Variants in COX6B2 observed in about 807,000 individuals in gnomAD.
COX6B2 encodes cytochrome c oxidase subunit 6B2, also known as COX VIb-2.
COX6B2 carries 12 observed loss-of-function variants against 13.7 expected under a neutral mutation model. The observed-to-expected ratio is 0.87, with a 90% CI of 0.56 to 1.41. The LOEUF (loss-of-function observed/expected upper bound fraction) is 1.41, where lower values mean the gene tolerates loss of function less well. Ranked by LOEUF, COX6B2 falls within the 40% of genes most tolerant of loss-of-function variation. The pLI, the probability that COX6B2 is intolerant of heterozygous loss-of-function variation, is 0.00. For missense variants in COX6B2, 130 were observed against 118.3 expected, an observed-to-expected ratio of 1.10 and a Z score of -0.46; for synonymous variants, 56 against 46.6, an observed-to-expected ratio of 1.20 and a Z score of -0.82.
Position 55,352,347 on chromosome 19 carries a change from G to A in COX6B2, c.*114+1260C>T, listed in dbSNP as rs1470602534. 1 of 152,336 alleles carries A rather than the reference G, an allele frequency of 6.6e-6. No homozygotes were observed. Among genetic ancestry groups the A allele is most frequent in the African/African-American group, 2.4e-5 (1 of 41,402 alleles). 9.4% of individuals were successfully genotyped at this position (152,336 alleles called of 1,614,324 possible). On this transcript the variant is annotated intron_variant, in intron 4 of 4. Transcript: ENST00000326529. This position sits in a 1 kb window ranked among gnomAD's most constrained non-coding sequence, Gnocchi z 6.2. ...GTGTCCTGGGCAGCATGGAGGGCAG[G>A]TGATGGACAGGTCATCATGGGGCAG...
Position 55,353,654 on chromosome 19 carries a change from C to G in COX6B2, c.*67G>C. 6.7e-7 allele frequency: 1 copy of G among 1,501,216 alleles called. No homozygotes were observed. The highest frequency in any genetic ancestry group is 9.1e-7 in the Non-Finnish European group (1 of 1,097,276). The allele number at this position is 1,501,216 out of a possible 1,614,324, so 93.0% of individuals were successfully genotyped here. On this transcript the variant is annotated 3_prime_UTR_variant, in exon 4 of 5. Transcript: ENST00000326529. ...GGGAGGTAGGGGTGGATAACCGAGA[C>G]CCGGGGCTCCGCGAGACAAAAAGAT... is the stretch of plus-strand genomic sequence containing the variant.
chr19:55,354,595 G>A (rs1600275390), intron 1 of COX6B2, 55 bp downstream of exon 1: 3 of 1,117,876 alleles, frequency 2.7e-6, no homozygotes, highest in East Asian at 4.7e-5. Flanking sequence ...CCCTCGCTCC[G>A]ACCCGTCTCC....
At chr19:55,351,106 C>A (rs554390544) in intron 4 of COX6B2, among the ~76,000 whole-genome samples, 1 of 152,208 alleles carries the variant, frequency 6.6e-6, no homozygotes, top group African/African-American at 2.4e-5. Context: ...CATGCTGATT[C>A]GAGTGACTCA....
Position 55,354,419 on chromosome 19 carries a change from T to A in COX6B2, c.103A>T (p.Asn35Tyr), listed in dbSNP as rs1195001701. 3 of 1,613,330 alleles carry A rather than the reference T, an allele frequency of 1.9e-6. No homozygotes were observed. Among genetic ancestry groups the A allele is most frequent in the Non-Finnish European group, 2.5e-6 (3 of 1,179,764 alleles). ...SQNQIRNCYQ[N>Y]FLDYHRCLKT... ...GCTGAGCAGGTCTCACCCAGGAAGT[T>A]CTGGTAGCAGTTACGGATCTGGTTC... is the stretch of plus-strand genomic sequence containing the variant. Residue 35 changes from asparagine (N) to tyrosine (Y), a missense_variant, in exon 2 of 5, where the codon AAC (asparagine) becomes TAC (tyrosine). Physicochemically the swap from Asn to Tyr is moderately radical, Grantham distance 143. Transcript: ENST00000326529.
At chr19:55,354,120 C>G (rs926436717) in intron 2 of COX6B2, 154 bp from the exon 3 acceptor site, 1 of 698,366 alleles carries the variant, frequency 1.4e-6, no homozygotes, top group East Asian at 2.7e-5. Context: ...GGCCCCGACC[C>G]CTACCTCCCT....
Position 55,354,702 on chromosome 19 carries a change from G to A in COX6B2, c.-71C>T, listed in dbSNP as rs1248659048. On this transcript the variant is annotated 5_prime_UTR_variant, in exon 1 of 5. Transcript: ENST00000326529. ...TGCTGTGGGATGGTCCCGGGGTGCC[G>A]CTCGCTTCTGAGTCCGCGGGGTGCG... The A allele has an allele frequency of 1.1e-5, 6 of 565,314 alleles. No individual in the cohort carries two copies. Among genetic ancestry groups the A allele is most frequent in the Non-Finnish European group, 1.3e-5 (4 of 318,970 alleles). 35.0% of individuals were successfully genotyped at this position (565,314 alleles called of 1,614,324 possible).
At chr19:55,354,103 C>G in intron 2 of COX6B2, 137 bp from the exon 3 acceptor site, 8 of 770,058 alleles carry the variant, frequency 1.0e-5, no homozygotes, top group Middle Eastern at 3.7e-4. Context: ...CCCGCCCCTC[C>G]CAGCCAGGCC....
intron 4 of COX6B2, chr19:55,353,355 T>A: frequency 2.6e-6 from 1 of 381,716 alleles, no homozygotes; most frequent in Non-Finnish European, 4.9e-6. Context: ...CTGGGGACCC[T>A]GGGCTGGCTC....
At chr19:55,353,460 G>A (rs2089683477) in intron 4 of COX6B2, 147 bp downstream of exon 4, 1 of 571,016 alleles carries the variant, frequency 1.8e-6, no homozygotes, top group Admixed American at 3.1e-5. Context: ...TTGACTGCCT[G>A]CTGCTACCTG....
chr19:55,354,058 T>C (rs1242869856), intron 2 of COX6B2, 92 bp from the exon 3 acceptor site: 17 of 1,175,130 alleles, frequency 1.4e-5, no homozygotes, highest in Non-Finnish European at 1.9e-5. Flanking sequence ...TCTTCGCTGC[T>C]TCGTCCCGCC....
At chr19:55,354,599 C>G (rs2089696654) in intron 1 of COX6B2, 51 bp downstream of exon 1, 1 of 1,076,950 alleles carries the variant, frequency 9.3e-7, no homozygotes, top group Non-Finnish European at 1.4e-6. Flanking sequence ...CGCTCCGACC[C>G]GTCTCCCCAT....
intron 2 of COX6B2, chr19:55,354,197 C>T: frequency 1.6e-6 from 1 of 642,176 alleles, no homozygotes; most frequent in Non-Finnish European, 2.8e-6. Context: ...GACTCGGCCC[C>T]GCACCTTCCA....
At position 55,353,659 on chromosome 19, in the gene COX6B2, G is replaced by T. The variant is rs2089685060; in HGVS notation, c.*62C>A. 2.6e-6 allele frequency: 4 copies of T among 1,518,902 alleles called. No individual in the cohort carries two copies. Among genetic ancestry groups the T allele is most frequent in the Non-Finnish European group, 2.7e-6 (3 of 1,111,526 alleles). The allele number at this position is 1,518,902 out of a possible 1,614,324, so 94.1% of individuals were successfully genotyped here. ...GTAGGGGTGGATAACCGAGACCCGG[G>T]GCTCCGCGAGACAAAAAGATGCAGG... is the stretch of plus-strand genomic sequence containing the variant. On this transcript the variant is annotated 3_prime_UTR_variant, in exon 4 of 5. Coordinates refer to ENST00000326529, the MANE Select transcript of COX6B2 (RefSeq NM_144613.5).
At chr19:55,351,107 G>A (rs1235979205) in intron 4 of COX6B2, among the ~76,000 whole-genome samples, 1 of 152,210 alleles carries the variant, frequency 6.6e-6, no homozygotes, top group Non-Finnish European at 1.5e-5. Context: ...ATGCTGATTC[G>A]AGTGACTCAG....
At chr19:55,354,055 T>G in intron 2 of COX6B2, 89 bp from the exon 3 acceptor site, 1 of 1,202,444 alleles carries the variant, frequency 8.3e-7, no homozygotes, top group Non-Finnish European at 1.2e-6. Context: ...AGTTCTTCGC[T>G]GCTTCGTCCC....
Position 55,350,584 on chromosome 19 carries a change from C to A in COX6B2, c.*331G>T, listed in dbSNP as rs540016673. On this transcript the variant is annotated 3_prime_UTR_variant, in exon 5 of 5. Coordinates refer to ENST00000326529, the MANE Select transcript of COX6B2 (RefSeq NM_144613.5). The surrounding 1 kb of genome is among the most constrained non-coding windows in gnomAD (Gnocchi z 4.2). The stretch of plus-strand genomic sequence containing the variant: ...CAGCTGCAGGGGACCCTGGCTTCCA[C>A]GAAGTTGGAGGCGTTCATGCTGGCA... 6.6e-6 allele frequency: 1 copy of A among 152,380 alleles called. No individual in the cohort carries two copies. The highest frequency in any genetic ancestry group is 1.5e-5 in the Non-Finnish European group (1 of 68,186). 9.4% of individuals were successfully genotyped at this position (152,380 alleles called of 1,614,324 possible). A position where few individuals can be genotyped will look rare whatever the true frequency, so the allele number is the denominator to read the frequency against.
In COX6B2 at chr19:55,354,452, G is replaced by T; in HGVS notation, c.70C>A (p.Pro24Thr). The stretch of plus-strand genomic sequence containing the variant: ...CAGTTACGGATCTGGTTCTGGCTGG[G>T]GAAGCGCGGGTCGAAGGGCGGCGTC... Reference protein sequence around the residue: ...WSTPPFDPRFPSQNQIRNCYQ... With the variant: ...WSTPPFDPRFTSQNQIRNCYQ... The change falls in exon 2 of 5, where the codon CCC becomes ACC. Residue 24 changes from proline to threonine, a missense_variant. Transcript: ENST00000326529. The T allele has an allele frequency of 1.2e-6, 2 of 1,614,040 alleles. No homozygotes were observed. The highest frequency in any genetic ancestry group is 1.1e-5 in the South Asian group (1 of 91,084).
Position 55,354,435 on chromosome 19 carries a change from G to T in COX6B2, c.87C>A (p.Ile29=). 1 of 1,613,938 alleles carries T rather than the reference G, an allele frequency of 6.2e-7. No individual in the cohort carries two copies. The highest frequency in any genetic ancestry group is 1.1e-5 in the South Asian group (1 of 91,078). Residue 29 remains isoleucine (I), a synonymous_variant, in exon 2 of 5, where the codon ATC becomes ATA. Coordinates refer to ENST00000326529, the MANE Select transcript of COX6B2 (RefSeq NM_144613.5). ...FDPRFPSQNQ[I]RNCYQNFLDY... is the part of the protein sequence containing the mutation. ...CCAGGAAGTTCTGGTAGCAGTTACG[G>T]ATCTGGTTCTGGCTGGGGAAGCGCG...
In COX6B2 at chr19:55,352,746, G is replaced by C. The variant is rs2089677433; in HGVS notation, c.*114+861C>G. 1 of 152,206 alleles carries C rather than the reference G, an allele frequency of 6.6e-6. No homozygotes were observed. Among genetic ancestry groups the C allele is most frequent in the African/African-American group, 2.4e-5 (1 of 41,424 alleles). The allele number at this position is 152,206 out of a possible 1,614,324, so 9.4% of individuals were successfully genotyped here. On this transcript the variant is annotated intron_variant, in intron 4 of 4. Coordinates refer to ENST00000326529, the MANE Select transcript of COX6B2 (RefSeq NM_144613.5). The surrounding 1 kb of genome is among the most constrained non-coding windows in gnomAD (Gnocchi z 6.2). ...AGCGGCACTCCTTGGCCTGGGGAGAGGCAAGACTTCAAAGGGCGTCTGGAA... is the reference window on the plus strand; with the variant it reads ...AGCGGCACTCCTTGGCCTGGGGAGACGCAAGACTTCAAAGGGCGTCTGGAA...
Sources: gnomAD v4.1 joint callset for allele counts (sites outside exome capture counted in the v4.1 genomes callset) on GRCh38, gnomAD v4.1.1 for gene constraint, Gnocchi (gnomAD v3.1) non-coding constraint, MANE v1.5 for transcripts, NCBI Gene and HGNC (gene_info 2026-07-23, HGNC 2026-07-21) for gene names.